The following ALDH16A1 variants were observed in gnomAD, a reference collection of about 807,000 sequenced individuals.
ALDH16A1 encodes aldehyde dehydrogenase family 16 member A1.
ALDH16A1 carries 88 observed loss-of-function variants against 96.1 expected under a neutral mutation model. The observed-to-expected ratio is 0.92, with a 90% confidence interval of 0.77 to 1.09. The LOEUF is 1.09. ALDH16A1 is among the 50% of genes least tolerant of loss of function. ALDH16A1 has a pLI of 0.00. For missense variants in ALDH16A1, 1,250 were observed against 1,112.6 expected (o/e 1.12, Z -1.76); for synonymous variants, 522 against 496.4 (o/e 1.05, Z -0.69).
In ALDH16A1 at chr19:49,470,796, G is replaced by T; in HGVS notation, c.*329G>T. The T allele has an allele frequency of 4.6e-6, 1 of 215,724 alleles. No individual in the cohort carries two copies. Among genetic ancestry groups the T allele is most frequent in the Non-Finnish European group, 9.2e-6 (1 of 108,804 alleles). 13.4% of individuals were successfully genotyped at this position (215,724 alleles called of 1,614,324 possible). On this transcript the variant is annotated 3_prime_UTR_variant, in exon 17 of 17. Transcript: ENST00000293350. The stretch of plus-strand genomic sequence containing the variant: ...CATATGTAGCTGGGGCCACAGACAT[G>T]CACCACCACACCTGGCTCGAGGCCA...
chr19:49,465,458 T>G (rs1204359259), intron 12 of ALDH16A1, among the ~76,000 whole-genome samples: 5 of 138,588 alleles, frequency 3.6e-5, no homozygotes, highest in African/African-American at 1.1e-4. Context: ...AGCAGAAACT[T>G]GAGTCATCCA....
chr19:49,458,710 G>T, intron 2 of ALDH16A1, 122 bp downstream of exon 2: 1 of 1,151,706 alleles, frequency 8.7e-7, no homozygotes, highest in Non-Finnish European at 1.3e-6. Context: ...GGTGGGAGAT[G>T]GGCTGCGATG....
rs757488215 is a variant in ALDH16A1 at position 49,462,687 on chromosome 19, GC to G, written c.1033del (p.Arg345GlyfsTer157). On this transcript the variant is annotated frameshift_variant, in exon 8 of 17. Coordinates refer to ENST00000293350, the MANE Select transcript of ALDH16A1 (RefSeq NM_153329.4). LOFTEE classifies it high-confidence loss of function. The stretch of plus-strand genomic sequence containing the variant: ...GCTGGATGGGGCCGTGGACATGGGG[GC>G]CCGGGGGGCTGCCGCATGTGACCTG... Reference protein sequence around the residue: ...RGLDGAVDMGARGAAACDLVQ... With the variant: ...RGLDGAVDMGXRGAAACDLVQ... 49 of 1,608,568 alleles carry G rather than the reference GC, an allele frequency of 3.0e-5. No homozygotes were observed. The highest frequency in any genetic ancestry group is 1.5e-4 in the Admixed American group (9 of 58,862).
Position 49,453,295 on chromosome 19 carries a change from G to A in ALDH16A1, c.-37G>A. 6.6e-7 allele frequency: 1 copy of A among 1,521,482 alleles called. No homozygotes were observed. Among genetic ancestry groups the A allele is most frequent in the Non-Finnish European group, 8.8e-7 (1 of 1,132,284 alleles). 94.2% of individuals were successfully genotyped at this position (1,521,482 alleles called of 1,614,324 possible). On this transcript the variant is annotated 5_prime_UTR_variant, in exon 1 of 17. Transcript: ENST00000293350. The stretch of plus-strand genomic sequence containing the variant: ...CTCAAGGTTCCCCTTAACACAGAGC[G>A]CCCCGCAGTCTTCGCGGAAAGCGTT...
chr19:49,467,773 G>A (rs976269599), intron 14 of ALDH16A1, among the ~76,000 whole-genome samples: 24 of 151,804 alleles, frequency 1.6e-4, no homozygotes, highest in African/African-American at 5.6e-4. Context: ...AGGGATACAC[G>A]TGCCATGGTG....
In ALDH16A1 at chr19:49,468,533, G is replaced by A. The variant is rs764110503; in HGVS notation, c.2091G>A (p.Ala697=). ...YGNTVVMVPS[A]ACPLLALEVC... ...ACACTGTGGTCATGGTGCCCAGTGC[G>A]GCCTGTCCTCTGCTGGCCCTGGAGG... The change falls in exon 15 of 17, where the codon GCG becomes GCA. Residue 697 remains alanine, a synonymous_variant. Coordinates refer to ENST00000293350, the MANE Select transcript of ALDH16A1 (RefSeq NM_153329.4). The surrounding 1 kb of genome is among the most constrained non-coding windows in gnomAD (Gnocchi z 4.4). The A allele has an allele frequency of 1.1e-5, 18 of 1,604,662 alleles. No homozygotes were observed. Among genetic ancestry groups the A allele is most frequent in the East Asian group, 6.7e-5 (3 of 44,870 alleles).
chr19:49,469,341 C>A, intron 16 of ALDH16A1: 1 of 164,424 alleles, frequency 6.1e-6, no homozygotes, highest in Non-Finnish European at 1.3e-5. Context: ...CCGCAACCTC[C>A]CAGGCTCAAG....
chr19:49,453,731 A>G (rs1228699368), intron 1 of ALDH16A1, among the ~76,000 whole-genome samples: 5 of 152,072 alleles, frequency 3.3e-5, no homozygotes. Context: ...GTCCCCTCAG[A>G]ACCTGACGCC....
At position 49,459,924 on chromosome 19, in the gene ALDH16A1, C is replaced by G. The variant is rs1201860965; in HGVS notation, c.499+76C>G. ...TAGCTCCAGTCCCCTCATTCTTTTT[C>G]TTTTAGACAGAGTTTCGCTCTTGTC... On this transcript the variant is annotated intron_variant, in intron 4 of 16. Transcript: ENST00000293350. The surrounding 1 kb of genome is among the most constrained non-coding windows in gnomAD (Gnocchi z 4.1). 2 of 1,492,990 alleles carry G rather than the reference C, an allele frequency of 1.3e-6. No homozygotes were observed. The highest frequency in any genetic ancestry group is 9.0e-7 in the Non-Finnish European group (1 of 1,116,734). 92.5% of individuals were successfully genotyped at this position (1,492,990 alleles called of 1,614,324 possible). A position where few individuals can be genotyped will look rare whatever the true frequency, so the allele number is the denominator to read the frequency against.
chr19:49,462,077 C>G (rs750632744), intron 7 of ALDH16A1, 41 bp downstream of exon 7: 3 of 1,497,146 alleles, frequency 2.0e-6, no homozygotes, highest in Non-Finnish European at 2.6e-6. Flanking sequence ...CCCTGGAGGC[C>G]GTTGGTGTCT....
At chr19:49,464,554 C>T (rs549966663) in intron 11 of ALDH16A1, 32 bp downstream of exon 11, 5 of 1,613,234 alleles carry the variant, frequency 3.1e-6, no homozygotes, top group East Asian at 2.2e-5. Context: ...CACCAGCCCC[C>T]CCGCCGCCCC....
chr19:49,468,791 G>T lies in ALDH16A1; in HGVS notation c.2125-73G>T. 1 of 1,548,482 alleles carries T rather than the reference G, an allele frequency of 6.5e-7. No individual in the cohort carries two copies. On this transcript the variant is annotated intron_variant, in intron 15 of 16. Coordinates refer to ENST00000293350, the MANE Select transcript of ALDH16A1 (RefSeq NM_153329.4). The surrounding 1 kb of genome is among the most constrained non-coding windows in gnomAD (Gnocchi z 4.4). Reference sequence around the variant, plus strand: ...ACCCCCCATCCCCTTCCCTCCCATGGGCACCCCCTGAATGCCCACTCCTTG... The same window carrying T: ...ACCCCCCATCCCCTTCCCTCCCATGTGCACCCCCTGAATGCCCACTCCTTG...
Position 49,460,990 on chromosome 19 carries a change from C to A in ALDH16A1, c.577+91C>A. The A allele has an allele frequency of 2.2e-6, 3 of 1,361,848 alleles. 1 individual carries two copies. The highest frequency in any genetic ancestry group is 1.0e-6 in the Non-Finnish European group (1 of 959,196). 84.4% of individuals were successfully genotyped at this position (1,361,848 alleles called of 1,614,324 possible). On this transcript the variant is annotated intron_variant, in intron 5 of 16. Transcript: ENST00000293350. ...CTCCAGAGTCTGAGAGACAAGGGGG[C>A]TGGAGGCCTGGACTCTGTGGAAGGA...
In ALDH16A1 at chr19:49,453,355, C is replaced by G; in HGVS notation, c.24C>G (p.Pro8=). Residue 8 remains proline, a synonymous_variant, in exon 1 of 17, where the codon CCC becomes CCG. Coordinates refer to ENST00000293350, the MANE Select transcript of ALDH16A1 (RefSeq NM_153329.4). ...CGATGGCTGCGACGCGTGCAGGGCCCCGCGCCCGCGAGATCTTCACCTCGC... is the reference window on the plus strand; with the variant it reads ...CGATGGCTGCGACGCGTGCAGGGCCGCGCGCCCGCGAGATCTTCACCTCGC... MAATRAG[P]RAREIFTSLE... is the part of the protein sequence containing the mutation. 1 of 1,547,794 alleles carries G rather than the reference C, an allele frequency of 6.5e-7. No homozygotes were observed. Among genetic ancestry groups the G allele is most frequent in the South Asian group, 1.2e-5 (1 of 83,870 alleles).
intron 14 of ALDH16A1, among the ~76,000 whole-genome samples, chr19:49,467,490 G>C (rs916512097): frequency 6.6e-6 from 1 of 151,118 alleles, no homozygotes; most frequent in African/African-American, 2.4e-5. Context: ...TGCATCCCAG[G>C]TTCACGCCAT....
chr19:49,460,095 G>C (rs558384224), intron 4 of ALDH16A1, among the ~76,000 whole-genome samples: 5 of 151,784 alleles, frequency 3.3e-5, no homozygotes, highest in African/African-American at 1.2e-4. Context: ...ATTTTTATTA[G>C]AGAAGAGGGG....
rs1218232376 is a variant in ALDH16A1 at position 49,453,413 on chromosome 19, T to A, written c.82T>A (p.Cys28Ser). 1.4e-5 allele frequency: 22 copies of A among 1,549,894 alleles called. No individual in the cohort carries two copies. Among genetic ancestry groups the A allele is most frequent in the Non-Finnish European group, 1.8e-5 (21 of 1,149,060 alleles). The change falls in exon 1 of 17, where the codon TGC becomes AGC. Residue 28 changes from cysteine (C) to serine (S), a missense_variant. Physicochemically the swap from Cys to Ser is moderately radical, Grantham distance 112 (BLOSUM62 -1). Coordinates refer to ENST00000293350, the MANE Select transcript of ALDH16A1 (RefSeq NM_153329.4). ...EYGPVPESHACALAWLDTQDR... is the reference protein window; with the variant it reads ...EYGPVPESHASALAWLDTQDR... The stretch of plus-strand genomic sequence containing the variant: ...CGGACCGGTGCCGGAGAGCCACGCA[T>A]GCGCACTGGTGAGAGTCTGCCCGGC...
intron 1 of ALDH16A1, among the ~76,000 whole-genome samples, chr19:49,457,702 TG>T (rs1357672208): frequency 6.6e-6 from 1 of 151,866 alleles, no homozygotes; most frequent in African/African-American, 2.4e-5. Flanking sequence ...CTCTACCTCC[TG>T]GGCTCAAGTG....
Position 49,464,496 on chromosome 19 carries a change from G to A in ALDH16A1, c.1411G>A (p.Gly471Arg). Residue 471 changes from glycine (G) to arginine (R), a missense_variant, in exon 11 of 17, where the codon GGG becomes AGG. Transcript: ENST00000293350. ...SVPTGGCKES[G>R]CSWHGGPDGL... Reference sequence around the variant, plus strand: ...GCCCACAGGCGGCTGCAAGGAGAGTGGGTGTTCCTGGCACGGGGGCCCAGA... The same window carrying A: ...GCCCACAGGCGGCTGCAAGGAGAGTAGGTGTTCCTGGCACGGGGGCCCAGA... The A allele has an allele frequency of 1.2e-6, 2 of 1,613,754 alleles. No individual in the cohort carries two copies. Among genetic ancestry groups the A allele is most frequent in the Non-Finnish European group, 1.7e-6 (2 of 1,179,904 alleles).
Sources: gnomAD v4.1 joint callset for allele counts (sites outside exome capture counted in the v4.1 genomes callset) on GRCh38, gnomAD v4.1.1 for gene constraint, Gnocchi (gnomAD v3.1) non-coding constraint, MANE v1.5 for transcripts, NCBI Gene and HGNC (gene_info 2026-07-23, HGNC 2026-07-21) for gene names.